Variants in PRKD1 observed in about 807,000 individuals in gnomAD.
PRKD1 encodes protein kinase D1.
A neutral mutation model predicts 95.9 loss-of-function variants in PRKD1; 63 were observed. The observed-to-expected ratio is 0.66, with a 90% CI of 0.54 to 0.81. The LOEUF (loss-of-function observed/expected upper bound fraction) is 0.81. Ranked by LOEUF, PRKD1 falls within the 30% of genes least tolerant of loss-of-function variation. The pLI, the probability that PRKD1 is intolerant of heterozygous loss-of-function variation, is 0.00. For synonymous variants in PRKD1, 425 were observed against 423.1 expected, an observed-to-expected ratio of 1.00 and a Z score of -0.05; for missense variants, 1,048 against 1,165.3, an observed-to-expected ratio of 0.90 and a Z score of 1.47.
chr14:29,808,217 T>C (rs1890320578), intron 1 of PRKD1, among the ~76,000 whole-genome samples: 3 of 152,058 alleles, frequency 2.0e-5, no homozygotes, highest in Admixed American at 2.0e-4. Context: ...AATCCTTTGT[T>C]GTCATTTAAA....
Position 29,632,933 on chromosome 14 carries a change from T to C in PRKD1, c.1328A>G (p.Tyr443Cys), listed in dbSNP as rs1420277969. 3.1e-6 allele frequency: 5 copies of C among 1,613,488 alleles called. No homozygotes were observed. The highest frequency in any genetic ancestry group is 2.2e-5 in the East Asian group (1 of 44,870). The change falls in exon 9 of 18, where the codon TAT becomes TGT. Residue 443 changes from tyrosine (Y) to cysteine (C), a missense_variant. This residue lies in a region of PRKD1 where 739 missense variants were observed against 861.9 expected (regional missense o/e 0.86). Transcript: ENST00000331968. ...AATACATTTGCTATCCAATCTCCAATAGTGCCGTTTCCGCTGAAACAGAAG... is the reference window on the plus strand; with the variant it reads ...AATACATTTGCTATCCAATCTCCAACAGTGCCGTTTCCGCTGAAACAGAAG... ...TSKDTLRKRH[Y>C]WRLDSKCITL...
intron 1 of PRKD1, among the ~76,000 whole-genome samples, chr14:29,825,690 T>C (rs1891081750): frequency 6.6e-6 from 1 of 152,116 alleles, no homozygotes; most frequent in Admixed American, 6.6e-5. Context: ...GGACTGTTTA[T>C]CAACTGTAAC....
intron 3 of PRKD1, 33 bp from the exon 4 acceptor site, chr14:29,663,892 A>G: frequency 6.3e-7 from 1 of 1,593,518 alleles, no homozygotes; most frequent in Non-Finnish European, 8.6e-7. Context: ...ATTTTTATTG[A>G]ACCATAAATT....
intron 11 of PRKD1, among the ~76,000 whole-genome samples, chr14:29,627,325 CAA>C: frequency 6.6e-6 from 1 of 152,228 alleles, no homozygotes; most frequent in East Asian, 1.9e-4. Flanking sequence ...CAGATGAACC[CAA>C]AGTGACAGAA....
chr14:29,772,120 G>A (rs1888536620), intron 1 of PRKD1, among the ~76,000 whole-genome samples: 1 of 152,170 alleles, frequency 6.6e-6, no homozygotes. Context: ...CTTAAACAAG[G>A]TAAGCCTTTG....
chr14:29,751,846 G>A (rs1330032600), intron 1 of PRKD1, among the ~76,000 whole-genome samples: 1 of 152,152 alleles, frequency 6.6e-6, no homozygotes, highest in Non-Finnish European at 1.5e-5. Context: ...CCACGGATTA[G>A]GTTTGTTTCT....
chr14:29,646,818 G>A lies in PRKD1; in HGVS notation c.697-7914C>T, dbSNP rs116561697. 4.1e-3 allele frequency among the ~76,000 whole-genome samples: 627 copies of A among 151,440 alleles called. 5 individuals are homozygous for A. The highest frequency in any genetic ancestry group is 0.014 in the African/African-American group (596 of 41,348). On this transcript the variant is annotated intron_variant, in intron 4 of 17. Transcript: ENST00000331968. ...CATGAATATATTACCTCTCACACAG[G>A]AGTGGGGATTTTCCAGCACAGAGCT...
chr14:29,820,167 A>G (rs986630083), intron 1 of PRKD1, among the ~76,000 whole-genome samples: 2 of 152,238 alleles, frequency 1.3e-5, no homozygotes, highest in Non-Finnish European at 2.9e-5. Context: ...AATAAGGTTC[A>G]TTCATACCAC....
intron 4 of PRKD1, among the ~76,000 whole-genome samples, chr14:29,648,933 C>T (rs369817335): frequency 4.6e-5 from 7 of 152,202 alleles, no homozygotes; most frequent in East Asian, 1.9e-4. Context: ...GGATTACAGG[C>T]GTGAGCCACC....
chr14:29,605,466 C>T (rs959421285), intron 13 of PRKD1, among the ~76,000 whole-genome samples: 2 of 152,128 alleles, frequency 1.3e-5, no homozygotes, highest in African/African-American at 4.8e-5. Flanking sequence ...TACATACTAC[C>T]CTTCAGCCTG....
At chr14:29,906,986 G>A (rs892026530) in intron 1 of PRKD1, among the ~76,000 whole-genome samples, 3 of 152,120 alleles carry the variant, frequency 2.0e-5, no homozygotes, top group Non-Finnish European at 2.9e-5. Flanking sequence ...AGGTAAATTA[G>A]GCTGAGATTT....
chr14:29,586,594 G>A (rs1023818165), intron 16 of PRKD1, among the ~76,000 whole-genome samples: 1 of 152,170 alleles, frequency 6.6e-6, no homozygotes, highest in African/African-American at 2.4e-5. Flanking sequence ...TAACAGAAAT[G>A]TGTACTTTGT....
chr14:29,639,918 A>G (rs45511201), intron 4 of PRKD1, among the ~76,000 whole-genome samples: 4,262 of 152,184 alleles, frequency 0.028, 182 homozygotes, highest in African/African-American at 0.091. Context: ...AAAATTAACC[A>G]TGTTTTCTAT....
chr14:29,897,489 A>G (rs1454620753), intron 1 of PRKD1, among the ~76,000 whole-genome samples: 1 of 152,158 alleles, frequency 6.6e-6, no homozygotes, highest in Non-Finnish European at 1.5e-5. Context: ...TGGAAAAGCA[A>G]GTGTTTTGGA....
chr14:29,634,233 C>A (rs1039598308), intron 8 of PRKD1, among the ~76,000 whole-genome samples, 185 bp downstream of exon 8: 1 of 152,186 alleles, frequency 6.6e-6, no homozygotes, highest in Non-Finnish European at 1.5e-5. Flanking sequence ...TTTTTCCTAA[C>A]TTCGTTGCTT....
chr14:29,863,323 G>A (rs772457655), intron 1 of PRKD1, among the ~76,000 whole-genome samples: 1 of 152,092 alleles, frequency 6.6e-6, no homozygotes, highest in Non-Finnish European at 1.5e-5. Flanking sequence ...CAAGATATCA[G>A]ATATAAAAGT....
chr14:29,599,593 T>C, intron 14 of PRKD1, 63 bp downstream of exon 14: 1 of 1,483,706 alleles, frequency 6.7e-7, no homozygotes, highest in Non-Finnish European at 9.2e-7. Flanking sequence ...AAAGCTGTAG[T>C]TAAACAGTGA....
chr14:29,600,066 T>A (rs1373118584), intron 13 of PRKD1, among the ~76,000 whole-genome samples: 3 of 152,224 alleles, frequency 2.0e-5, no homozygotes, highest in African/African-American at 4.8e-5. Context: ...TCTAGCACAG[T>A]GAATTGCTAA....
chr14:29,822,933 C>T (rs1033924165), intron 1 of PRKD1, among the ~76,000 whole-genome samples: 1 of 152,002 alleles, frequency 6.6e-6, no homozygotes, highest in Non-Finnish European at 1.5e-5. Context: ...AAAAATTCTC[C>T]AAAGAAATTT....
Sources: allele counts gnomAD v4.1 joint callset (sites outside exome capture counted in the v4.1 genomes callset), GRCh38; gene constraint gnomAD v4.1.1; regional missense constraint gnomAD v4.1.1; transcripts MANE v1.5; gene names NCBI Gene and HGNC (gene_info 2026-07-23, HGNC 2026-07-21).